Variants in DNAH14 observed in about 807,000 individuals in gnomAD.
The protein encoded by DNAH14 is axonemal beta dynein heavy chain 14.
DNAH14 carries 478 observed loss-of-function variants against 520.9 expected under a neutral mutation model. That is an observed-to-expected ratio of 0.92 (90% CI 0.85 to 0.99). DNAH14 has a LOEUF of 0.99. DNAH14 is among the 50% of genes least tolerant of loss of function. The pLI is 0.00. For synonymous variants in DNAH14, 1,581 were observed against 1,757.2 expected, an observed-to-expected ratio of 0.90 and a Z score of 2.51; for missense variants, 4,831 against 5,234.5, an observed-to-expected ratio of 0.92 and a Z score of 2.38.
chr1:225,334,335 A>T lies in DNAH14; in HGVS notation c.10080+829A>T, dbSNP rs77707171. On this transcript the variant is annotated intron_variant, in intron 66 of 85. Coordinates refer to ENST00000682510, the MANE Select transcript of DNAH14 (RefSeq NM_001367479.1). ...GCAAGACCGTGTCTAAAAAAAAATT[A>T]AAAAATTACTGAGCATGATGCTACA... Among the ~76,000 whole-genome samples the T allele has an allele frequency of 8.6e-3, 1,312 of 152,228 alleles. 9 individuals are homozygous for T. The highest frequency in any genetic ancestry group is 0.026 in the African/African-American group (1,069 of 41,534).
chr1:225,350,153 C>T (rs898238176), intron 71 of DNAH14, among the ~76,000 whole-genome samples: 1 of 152,028 alleles, frequency 6.6e-6, no homozygotes, highest in African/African-American at 2.4e-5. Context: ...AATCCACAAA[C>T]ATGTAGAAAT....
intron 71 of DNAH14, among the ~76,000 whole-genome samples, chr1:225,350,564 G>C (rs199529251): frequency 1.3e-5 from 2 of 151,850 alleles, no homozygotes; most frequent in African/African-American, 4.8e-5. Flanking sequence ...AGGAAAGAAA[G>C]GGACGACATT....
intron 17 of DNAH14, among the ~76,000 whole-genome samples, chr1:225,068,108 T>C (rs1046835254): frequency 6.6e-6 from 1 of 152,208 alleles, no homozygotes; most frequent in Non-Finnish European, 1.5e-5. Context: ...TTAATTCATC[T>C]TGAGAAAATT....
intron 27 of DNAH14, among the ~76,000 whole-genome samples, chr1:225,134,594 G>A (rs1379497941): frequency 6.6e-6 from 1 of 152,086 alleles, no homozygotes. Flanking sequence ...TGGTGAATAA[G>A]GTTTTTGATG....
At chr1:225,374,400 A>G (rs1410773288) in intron 77 of DNAH14, among the ~76,000 whole-genome samples, 1 of 150,118 alleles carries the variant, frequency 6.7e-6, no homozygotes, top group African/African-American at 2.5e-5. Context: ...AGCTGAGATT[A>G]CAGGCACATG....
At chr1:225,394,922 C>T (rs997780946) in intron 84 of DNAH14, among the ~76,000 whole-genome samples, 4 of 151,760 alleles carry the variant, frequency 2.6e-5, no homozygotes, top group Non-Finnish European at 5.9e-5. Context: ...ATATGGGTAC[C>T]CACCTGACTC....
chr1:225,075,715 A>G (rs1340368151), intron 17 of DNAH14, among the ~76,000 whole-genome samples: 3 of 152,180 alleles, frequency 2.0e-5, no homozygotes, highest in Admixed American at 6.5e-5. Flanking sequence ...ATTATTTCTC[A>G]GTCAGTTCAT....
chr1:225,249,953 T>G (rs922183580), intron 43 of DNAH14, among the ~76,000 whole-genome samples: 3 of 152,256 alleles, frequency 2.0e-5, no homozygotes, highest in African/African-American at 7.2e-5. Context: ...TATGAATATA[T>G]CACATCTTGT....
chr1:224,952,627 A>T (rs1434379201), intron 1 of DNAH14, 43 bp from the exon 2 acceptor site: 1 of 1,098,492 alleles, frequency 9.1e-7, no homozygotes, highest in African/African-American at 1.6e-5. Context: ...TAGCTGTCAG[A>T]TTGTATTGTA....
intron 36 of DNAH14, among the ~76,000 whole-genome samples, chr1:225,174,788 A>G (rs991421135): frequency 1.3e-5 from 2 of 152,174 alleles, no homozygotes; most frequent in Non-Finnish European, 2.9e-5. Context: ...TTTCCTGTTC[A>G]GGATGATGTT....
chr1:225,077,733 T>C (rs978833163), intron 17 of DNAH14, among the ~76,000 whole-genome samples: 7 of 152,164 alleles, frequency 4.6e-5, no homozygotes, highest in Admixed American at 6.5e-5. Context: ...GAAAATAAGT[T>C]TCTCTGATTT....
intron 11 of DNAH14, among the ~76,000 whole-genome samples, chr1:225,032,838 T>C (rs1276661552): frequency 1.3e-5 from 2 of 152,178 alleles, no homozygotes; most frequent in Admixed American, 6.6e-5. Flanking sequence ...ATCAGTGATA[T>C]TGAGCTCTTT....
chr1:225,195,816 T>A (rs537687588), intron 38 of DNAH14, among the ~76,000 whole-genome samples: 3 of 152,194 alleles, frequency 2.0e-5, no homozygotes, highest in Admixed American at 6.5e-5. Flanking sequence ...ATAGGCACTT[T>A]TTTTTCTCAT....
At chr1:225,004,477 T>A (rs2064011959) in intron 9 of DNAH14, among the ~76,000 whole-genome samples, 1 of 152,154 alleles carries the variant, frequency 6.6e-6, no homozygotes, top group Admixed American at 6.6e-5. Context: ...GGCTTTTAAA[T>A]AAAGAATATA....
At chr1:225,217,452 T>C (rs2089517507) in intron 41 of DNAH14, among the ~76,000 whole-genome samples, 1 of 152,216 alleles carries the variant, frequency 6.6e-6, no homozygotes, top group Admixed American at 6.5e-5. Flanking sequence ...CGTTTAAGTC[T>C]GCAGAAGTTT....
intron 55 of DNAH14, among the ~76,000 whole-genome samples, chr1:225,297,606 C>CCATGTAGTTT (rs1354853706): frequency 1.3e-5 from 2 of 151,936 alleles, no homozygotes; most frequent in East Asian, 3.9e-4. Flanking sequence ...AGTGTAGTCT[C>CCATGTAGTTT]CATGTAGTTT....
At chr1:225,387,730 G>A (rs563467537) in intron 81 of DNAH14, among the ~76,000 whole-genome samples, 1 of 152,274 alleles carries the variant, frequency 6.6e-6, no homozygotes, top group South Asian at 2.1e-4. Context: ...CTTGAGTATG[G>A]AAAATAGAAG....
At position 225,050,343 on chromosome 1, in the gene DNAH14, C is replaced by G; in HGVS notation, c.2046C>G (p.Ile682Met). 1 of 1,546,468 alleles carries G rather than the reference C, an allele frequency of 6.5e-7. No homozygotes were observed. Among genetic ancestry groups the G allele is most frequent in the Non-Finnish European group, 8.7e-7 (1 of 1,145,424 alleles). Residue 682 changes from isoleucine to methionine, a missense_variant, in exon 16 of 86, where the codon ATC becomes ATG. Physicochemically the swap from Ile to Met is conservative, Grantham distance 10 (BLOSUM62 1). Coordinates refer to ENST00000682510, the MANE Select transcript of DNAH14 (RefSeq NM_001367479.1). ...KEQTRWPDCH[I>M]LFETDPAYQN... ...AGACCAGATGGCCAGATTGTCACAT[C>G]CTTTTTGAAACAGATCCTGCCTACC...
Position 224,974,264 on chromosome 1 carries a change from T to C in DNAH14, c.830+111T>C, listed in dbSNP as rs571478753. ...TCATTCAGTGATTAGAAAGTCACAT[T>C]CCATTGCTTTACGATTAAACTTAAC... On this transcript the variant is annotated intron_variant, in intron 8 of 85. Transcript: ENST00000682510. 18 of 627,550 alleles carry C rather than the reference T, an allele frequency of 2.9e-5. No individual in the cohort carries two copies. In the South Asian group the frequency reaches 5.2e-4, roughly 18 times the overall value. The allele number at this position is 627,550 out of a possible 1,614,324, so 38.9% of individuals were successfully genotyped here.
Sources: gnomAD v4.1 joint callset for allele counts (sites outside exome capture counted in the v4.1 genomes callset) on GRCh38, gnomAD v4.1.1 for gene constraint, MANE v1.5 for transcripts, NCBI Gene and HGNC (gene_info 2026-07-23, HGNC 2026-07-21) for gene names.